Variants in MRPL42 observed in about 807,000 individuals in gnomAD.
MRPL42 encodes the protein mitochondrial ribosomal protein L42.
A neutral mutation model predicts 17.9 loss-of-function variants in MRPL42; 17 were observed. The ratio of observed to expected loss-of-function variants is 0.95; its 90% CI spans 0.65 to 1.42. The LOEUF is 1.42. MRPL42 is among the 40% of genes most tolerant of loss of function. The probability of loss-of-function intolerance (pLI) is 0.00; values close to 1 mark genes in which losing one functional copy is unlikely to be tolerated. For missense variants in MRPL42, 177 were observed against 175.2 expected, an observed-to-expected ratio of 1.01 and a Z score of -0.06; for synonymous variants, 59 against 54.4, an observed-to-expected ratio of 1.08 and a Z score of -0.37.
chr12:93,495,294 T>G (rs1317098845), intron 5 of MRPL42, among the ~76,000 whole-genome samples: 1 of 152,178 alleles, frequency 6.6e-6, no homozygotes, highest in Non-Finnish European at 1.5e-5. Context: ...AAGGAATACT[T>G]TATGACTTGA....
At position 93,511,800 on chromosome 12, in the gene MRPL42, G is replaced by C. The variant is rs1565823538; in HGVS notation, c.*10579G>C. On this transcript the variant is annotated 3_prime_UTR_variant, in exon 6 of 6. Coordinates refer to ENST00000549982, the MANE Select transcript of MRPL42 (RefSeq NM_014050.4). ...ATTAATGTGGTTTGAAGCTTTGTAGGAATCCAATTGGATGGATAGCAGCAG... is the reference window on the plus strand; with the variant it reads ...ATTAATGTGGTTTGAAGCTTTGTAGCAATCCAATTGGATGGATAGCAGCAG... 6.6e-6 allele frequency: 1 copy of C among 152,302 alleles called. No individual in the cohort carries two copies. Among genetic ancestry groups the C allele is most frequent in the East Asian group, 1.9e-4 (1 of 5,188 alleles). The allele number at this position is 152,302 out of a possible 1,614,324, so 9.4% of individuals were successfully genotyped here. A position where few individuals can be genotyped will look rare whatever the true frequency, so the allele number is the denominator to read the frequency against.
At chr12:93,477,303 G>C (rs1225260656) in intron 3 of MRPL42, among the ~76,000 whole-genome samples, 1 of 152,008 alleles carries the variant, frequency 6.6e-6, no homozygotes, top group Non-Finnish European at 1.5e-5. Flanking sequence ...TTAGCTTTTT[G>C]GAAAAGTTAA....
intron 5 of MRPL42, among the ~76,000 whole-genome samples, chr12:93,488,977 T>A (rs2121240172): frequency 6.6e-6 from 1 of 152,162 alleles, no homozygotes; most frequent in Admixed American, 6.5e-5. Flanking sequence ...AGGCACACTC[T>A]GCCACGCCCA....
intron 4 of MRPL42, among the ~76,000 whole-genome samples, chr12:93,480,224 T>C (rs1309742744): frequency 6.6e-6 from 1 of 151,218 alleles, no homozygotes; most frequent in South Asian, 2.1e-4. Context: ...GGGTTCAAGC[T>C]ATTCTCCTGT....
At chr12:93,471,899 C>T (rs1879927601) in intron 2 of MRPL42, among the ~76,000 whole-genome samples, 1 of 152,156 alleles carries the variant, frequency 6.6e-6, no homozygotes, top group Non-Finnish European at 1.5e-5. Context: ...AGGAACCCAG[C>T]TCCTAGGCTA....
intron 5 of MRPL42, among the ~76,000 whole-genome samples, chr12:93,494,450 CAGAG>C (rs1953458530): frequency 6.6e-6 from 1 of 152,114 alleles, no homozygotes; most frequent in African/African-American, 2.4e-5. Context: ...GGGTATGAGA[CAGAG>C]AGAGGAGTCA....
intron 3 of MRPL42, among the ~76,000 whole-genome samples, chr12:93,477,379 G>C (rs1235776837): frequency 6.6e-6 from 1 of 151,942 alleles, no homozygotes; most frequent in Admixed American, 6.6e-5. Flanking sequence ...GTTTGATATT[G>C]AATAATCCTA....
In MRPL42 at chr12:93,481,223, C is replaced by T. The variant is rs911052906; in HGVS notation, c.219+1751C>T. Reference sequence around the variant, plus strand: ...GAACTTACTACCCTTGGCAAAATCTCTTACAATCTTAGCCTATTCCAGAAT... The same window carrying T: ...GAACTTACTACCCTTGGCAAAATCTTTTACAATCTTAGCCTATTCCAGAAT... On this transcript the variant is annotated intron_variant, in intron 4 of 5. Transcript: ENST00000549982. 3.3e-5 allele frequency among the ~76,000 whole-genome samples: 5 copies of T among 152,290 alleles called. No individual in the cohort carries two copies. The East Asian group carries it at 9.6e-4, about 29-fold the overall frequency.
At chr12:93,478,459 C>G (rs562005534) in intron 3 of MRPL42, among the ~76,000 whole-genome samples, 81 of 152,148 alleles carry the variant, frequency 5.3e-4, no homozygotes, top group African/African-American at 1.8e-3. Flanking sequence ...CCATGTTACC[C>G]AGGCTGGTCT....
At chr12:93,490,986 A>G (rs1344353022) in intron 5 of MRPL42, among the ~76,000 whole-genome samples, 1 of 151,938 alleles carries the variant, frequency 6.6e-6, no homozygotes, top group Non-Finnish European at 1.5e-5. Context: ...CGCCTCCCGG[A>G]TTCAAGCGAT....
intron 2 of MRPL42, chr12:93,470,693 C>A: frequency 2.1e-6 from 1 of 477,730 alleles, no homozygotes; most frequent in South Asian, 4.5e-5. Flanking sequence ...TTACCTCCTA[C>A]TTGTAAGTTA....
rs540438391 is a variant in MRPL42 at position 93,511,009 on chromosome 12, A to C, written c.*9788A>C. ...AATAACTTCACTGGCTTTTTTTATC[A>C]AGAAAAGACTTACCTTTTCTGAATG... On this transcript the variant is annotated 3_prime_UTR_variant, in exon 6 of 6. Transcript: ENST00000549982. The C allele has an allele frequency of 1.3e-5, 2 of 152,202 alleles. No homozygotes were observed. The highest frequency in any genetic ancestry group is 2.4e-5 in the African/African-American group (1 of 41,456). The allele number at this position is 152,202 out of a possible 1,614,324, so 9.4% of individuals were successfully genotyped here. A position where few individuals can be genotyped will look rare whatever the true frequency, so the allele number is the denominator to read the frequency against.
At chr12:93,495,684 A>G (rs2121262542) in intron 5 of MRPL42, among the ~76,000 whole-genome samples, 1 of 152,332 alleles carries the variant, frequency 6.6e-6, no homozygotes, top group South Asian at 2.1e-4. Flanking sequence ...AATTAGACTC[A>G]GGTAGCTTCA....
intron 3 of MRPL42, among the ~76,000 whole-genome samples, chr12:93,479,156 C>A (rs1259356819): frequency 6.6e-6 from 1 of 151,418 alleles, no homozygotes; most frequent in Non-Finnish European, 1.5e-5. Flanking sequence ...CTCCTGACCT[C>A]AAGCAATCTG....
At position 93,511,109 on chromosome 12, in the gene MRPL42, T is replaced by G. The variant is rs1413719538; in HGVS notation, c.*9888T>G. 1 of 152,178 alleles carries G rather than the reference T, an allele frequency of 6.6e-6. No homozygotes were observed. The highest frequency in any genetic ancestry group is 1.5e-5 in the Non-Finnish European group (1 of 68,016). The allele number at this position is 152,178 out of a possible 1,614,324, so 9.4% of individuals were successfully genotyped here. On this transcript the variant is annotated 3_prime_UTR_variant, in exon 6 of 6. Transcript: ENST00000549982. ...ATGAAAACCAATAGATTGTTCTAGTTTTACTCATAAATATAATTCTTCATA... is the reference window on the plus strand; with the variant it reads ...ATGAAAACCAATAGATTGTTCTAGTGTTACTCATAAATATAATTCTTCATA...
intron 5 of MRPL42, among the ~76,000 whole-genome samples, chr12:93,491,156 G>T (rs914166079): frequency 1.3e-5 from 2 of 152,128 alleles, no homozygotes; most frequent in Non-Finnish European, 2.9e-5. Flanking sequence ...CTCCCAAAGT[G>T]CTGGGATTAC....
rs1311585182 is a variant in MRPL42 at position 93,508,603 on chromosome 12, T to TTAC, written c.*7383_*7384insACT. 6.6e-6 allele frequency: 1 copy of TTAC among 152,178 alleles called. No homozygotes were observed. Among genetic ancestry groups the TTAC allele is most frequent in the African/African-American group, 2.4e-5 (1 of 41,450 alleles). The allele number at this position is 152,178 out of a possible 1,614,324, so 9.4% of individuals were successfully genotyped here. A position where few individuals can be genotyped will look rare whatever the true frequency, so the allele number is the denominator to read the frequency against. ...ACTATGGCCATTCTCTTCACAATAG[T>TTAC]TGTCACCAAAACGTAATCGATTTGT... On this transcript the variant is annotated 3_prime_UTR_variant, in exon 6 of 6. Coordinates refer to ENST00000549982, the MANE Select transcript of MRPL42 (RefSeq NM_014050.4).
chr12:93,513,050 TATGA>T lies in MRPL42; in HGVS notation c.*11832_*11835del, dbSNP rs1441027648. ...TCCCTTTGTAAATCTGGTTTCATCT[TATGA>T]ATAATATTTTTTAAAAACCATGGAA... is the stretch of plus-strand genomic sequence containing the variant. On this transcript the variant is annotated 3_prime_UTR_variant, in exon 6 of 6. Coordinates refer to ENST00000549982, the MANE Select transcript of MRPL42 (RefSeq NM_014050.4). The T allele has an allele frequency of 2.0e-5, 3 of 152,198 alleles. No homozygotes were observed. The highest frequency in any genetic ancestry group is 7.2e-5 in the African/African-American group (3 of 41,446). 9.4% of individuals were successfully genotyped at this position (152,198 alleles called of 1,614,324 possible).
chr12:93,479,495 C>A, intron 4 of MRPL42, 23 bp downstream of exon 4: 1 of 1,532,628 alleles, frequency 6.5e-7, no homozygotes, highest in Non-Finnish European at 9.0e-7. Context: ...AAATTTCTTG[C>A]AGTTTTTAAT....
Sources: allele counts gnomAD v4.1 joint callset (sites outside exome capture counted in the v4.1 genomes callset), GRCh38; gene constraint gnomAD v4.1.1; transcripts MANE v1.5; gene names NCBI Gene and HGNC (gene_info 2026-07-23, HGNC 2026-07-21).